FMN2: variants seen among roughly 807,000 people sequenced by gnomAD.
FMN2 encodes the protein formin 2, also known as formin-2.
A neutral mutation model predicts 142.3 loss-of-function variants in FMN2; 51 were observed. The observed-to-expected ratio is 0.36, with a 90% CI of 0.29 to 0.45. The LOEUF (loss-of-function observed/expected upper bound fraction) is 0.45. Ranked by LOEUF, FMN2 falls within the 20% of genes least tolerant of loss-of-function variation. The pLI is 1.00. For synonymous variants in FMN2, 882 were observed against 869.8 expected (o/e 1.01, Z -0.25); for missense variants, 1,936 against 2,122.8 (o/e 0.91, Z 1.73).
intron 5 of FMN2, among the ~76,000 whole-genome samples, chr1:240,209,607 TA>T (rs1666604049): frequency 6.7e-6 from 1 of 150,300 alleles, no homozygotes; most frequent in Non-Finnish European, 1.5e-5. Flanking sequence ...GTGCACACTT[TA>T]AAATGCACAG....
At chr1:240,314,527 A>G (rs1670702301) in intron 8 of FMN2, among the ~76,000 whole-genome samples, 1 of 152,196 alleles carries the variant, frequency 6.6e-6, no homozygotes, top group African/African-American at 2.4e-5. Flanking sequence ...CAAAAGGATC[A>G]CTGTTATTGT....
intron 2 of FMN2, chr1:240,143,911 G>T: frequency 1.9e-6 from 3 of 1,555,758 alleles, no homozygotes; most frequent in Non-Finnish European, 1.8e-6. Flanking sequence ...TTGAGCCAGC[G>T]TAGGCCAAGC....
chr1:240,469,742 G>C (rs1304697004), intron 16 of FMN2, among the ~76,000 whole-genome samples: 1 of 152,160 alleles, frequency 6.6e-6, no homozygotes. Context: ...GGACACAGTT[G>C]TACCTTATAC....
Position 240,334,094 on chromosome 1 carries a change from T to A in FMN2, c.4645-15T>A. 6.3e-7 allele frequency: 1 copy of A among 1,583,094 alleles called. No individual in the cohort carries two copies. Among genetic ancestry groups the A allele is most frequent in the Non-Finnish European group, 8.5e-7 (1 of 1,171,622 alleles). On this transcript the variant is annotated splice_polypyrimidine_tract_variant and intron_variant, in intron 12 of 17. Transcript: ENST00000319653. Reference sequence around the variant, plus strand: ...ACCAATTTCTTTAAATATGATGGGGTTTTTTGTTCATTAGGATGCTGGAAA... The same window carrying A: ...ACCAATTTCTTTAAATATGATGGGGATTTTTGTTCATTAGGATGCTGGAAA...
rs766197562 is a variant in FMN2, at chr1:240,093,520, G to A, written c.1411G>A (p.Ala471Thr). The A allele has an allele frequency of 1.9e-5, 30 of 1,587,164 alleles. No homozygotes were observed. Among genetic ancestry groups the A allele is most frequent in the African/African-American group, 5.5e-5 (4 of 72,632 alleles). ...SVAAPAKKHRADGGLAAGLSR... is the reference protein window; with the variant it reads ...SVAAPAKKHRTDGGLAAGLSR... ...AGCCGCCCCGGCCAAGAAGCACCGG[G>A]CCGACGGCGGCCTTGCGGCCGGCCT... is the stretch of plus-strand genomic sequence containing the variant. Residue 471 changes from alanine to threonine, a missense_variant, in exon 1 of 18, where the codon GCC becomes ACC. By Grantham distance (58) the Ala-to-Thr change is moderately conservative. Around this residue, in one of 8 missense-constraint regions of FMN2, gnomAD observed 751 missense variants for 791.8 expected, o/e 0.95. Transcript: ENST00000319653.
chr1:240,217,995 A>G (rs1666967300), intron 6 of FMN2, among the ~76,000 whole-genome samples: 4 of 152,166 alleles, frequency 2.6e-5, no homozygotes, highest in Admixed American at 6.6e-5. Context: ...CACGGTATTA[A>G]GATTCTGGGC....
intron 1 of FMN2, among the ~76,000 whole-genome samples, chr1:240,099,460 G>T (rs1485942636): frequency 6.6e-6 from 1 of 151,754 alleles, no homozygotes; most frequent in Non-Finnish European, 1.5e-5. Flanking sequence ...TTGGGGGAGG[G>T]TGCTGCTTTC....
At chr1:240,317,293 G>A (rs1485964525) in intron 8 of FMN2, among the ~76,000 whole-genome samples, 4 of 141,098 alleles carry the variant, frequency 2.8e-5, no homozygotes, top group Non-Finnish European at 4.7e-5. Flanking sequence ...TCCAGCCTGG[G>A]GAGACTCCAT....
intron 7 of FMN2, among the ~76,000 whole-genome samples, chr1:240,265,663 C>G (rs73117017): frequency 6.6e-6 from 1 of 152,148 alleles, no homozygotes; most frequent in Non-Finnish European, 1.5e-5. Context: ...CTGTCCAAGA[C>G]AGATTTGAAT....
At chr1:240,286,191 C>T (rs1291398283) in intron 7 of FMN2, among the ~76,000 whole-genome samples, 1 of 152,040 alleles carries the variant, frequency 6.6e-6, no homozygotes, top group East Asian at 1.9e-4. Flanking sequence ...GTTCTGGACC[C>T]TAAATTGGGG....
intron 16 of FMN2, among the ~76,000 whole-genome samples, chr1:240,465,260 C>T (rs1304764684): frequency 6.6e-6 from 1 of 151,792 alleles, no homozygotes; most frequent in African/African-American, 2.4e-5. Context: ...GCTGGCTTTT[C>T]TAACCAGCCT....
intron 15 of FMN2, among the ~76,000 whole-genome samples, chr1:240,433,652 T>C (rs184366736): frequency 9.4e-4 from 143 of 152,324 alleles, no homozygotes; most frequent in African/African-American, 3.2e-3. Flanking sequence ...CATTCAATTG[T>C]GTAAAACATC....
At chr1:240,238,556 G>T (rs1038887555) in intron 6 of FMN2, among the ~76,000 whole-genome samples, 1 of 152,136 alleles carries the variant, frequency 6.6e-6, no homozygotes, top group Admixed American at 6.5e-5. Flanking sequence ...TTTGTTCTGA[G>T]GTAGCTAATA....
At chr1:240,435,398 AT>A (rs1558104770) in intron 15 of FMN2, among the ~76,000 whole-genome samples, 1 of 151,834 alleles carries the variant, frequency 6.6e-6, no homozygotes, top group Admixed American at 6.6e-5. Flanking sequence ...AAAAAAAAAA[AT>A]CTTCAGAGAA....
chr1:240,178,213 T>G (rs1572024652), intron 3 of FMN2, 145 bp downstream of exon 3: 3 of 863,400 alleles, frequency 3.5e-6, no homozygotes, highest in East Asian at 6.2e-5. Flanking sequence ...TACTTTGGGG[T>G]CTTTTCTCTC....
At chr1:240,266,886 C>A (rs1668832018) in intron 7 of FMN2, among the ~76,000 whole-genome samples, 1 of 151,966 alleles carries the variant, frequency 6.6e-6, no homozygotes, top group African/African-American at 2.4e-5. Flanking sequence ...AGATGGCCAA[C>A]CATTTGTAGA....
At chr1:240,427,657 A>C (rs1435162207) in intron 15 of FMN2, among the ~76,000 whole-genome samples, 1 of 152,154 alleles carries the variant, frequency 6.6e-6, no homozygotes, top group Non-Finnish European at 1.5e-5. Flanking sequence ...AAATGAGATC[A>C]TTTGTTCTAT....
At chr1:240,325,228 A>G (rs566164084) in intron 8 of FMN2, among the ~76,000 whole-genome samples, 1 of 151,776 alleles carries the variant, frequency 6.6e-6, no homozygotes, top group South Asian at 2.1e-4. Flanking sequence ...GGGTAGTCCC[A>G]ACTTCTTGAG....
chr1:240,415,374 A>G (rs986888953), intron 15 of FMN2, among the ~76,000 whole-genome samples: 2 of 152,142 alleles, frequency 1.3e-5, no homozygotes, highest in African/African-American at 4.8e-5. Context: ...ATCACACACC[A>G]GGACCTGTCA....
Sources: gnomAD v4.1 joint callset for allele counts (sites outside exome capture counted in the v4.1 genomes callset) on GRCh38, gnomAD v4.1.1 for gene constraint, gnomAD v4.1.1 regional missense constraint, MANE v1.5 for transcripts, NCBI Gene and HGNC (gene_info 2026-07-23, HGNC 2026-07-21) for gene names.